The following TNS1 variants were observed in gnomAD, a reference collection of about 807,000 sequenced individuals.
The protein encoded by TNS1 is tensin-1.
TNS1 carries 62 observed loss-of-function variants against 168.6 expected under a neutral mutation model. The observed-to-expected ratio is 0.37, with a 90% confidence interval of 0.30 to 0.45. The LOEUF (loss-of-function observed/expected upper bound fraction) is 0.45, where lower values mean the gene tolerates loss of function less well. Ranked by LOEUF, TNS1 falls within the 20% of genes least tolerant of loss-of-function variation. The pLI is 1.00. For missense variants in TNS1, 2,240 were observed against 2,339.4 expected (o/e 0.96, Z 0.88); for synonymous variants, 934 against 933.2 (o/e 1.00, Z -0.02).
chr2:217,926,791 C>T (rs1575097184), intron 3 of TNS1, among the ~76,000 whole-genome samples: 1 of 152,248 alleles, frequency 6.6e-6, no homozygotes, highest in East Asian at 1.9e-4. Flanking sequence ...GGGTCTCAGG[C>T]AGTCCTCTCA....
chr2:217,847,910 G>A lies in TNS1; in HGVS notation c.2607C>T (p.Leu869=). The change falls in exon 19 of 33, where the codon CTC becomes CTT. Residue 869 remains leucine (L), a synonymous_variant. Transcript: ENST00000682258. The part of the protein sequence containing the change: ...VPGAWPGASP[L]SSQPLSGSSR... ...AGGATCCAGAGAGGGGCTGGGAGGA[G>A]AGTGGAGAAGCCCCTGGCCAGGCCC... The A allele has an allele frequency of 1.3e-6, 2 of 1,534,184 alleles. No individual in the cohort carries two copies. Among genetic ancestry groups the A allele is most frequent in the South Asian group, 1.3e-5 (1 of 78,134 alleles).
chr2:217,880,811 C>T lies in TNS1; in HGVS notation c.1429+87G>A. Reference sequence around the variant, plus strand: ...TCTGCCTCCTCTCGAACCCAGATCTCTTGAAAGCAGGCCAAGAGAAGCAAG... The same window carrying T: ...TCTGCCTCCTCTCGAACCCAGATCTTTTGAAAGCAGGCCAAGAGAAGCAAG... On this transcript the variant is annotated intron_variant, in intron 18 of 32. Transcript: ENST00000682258. The surrounding 1 kb of genome is among the most constrained non-coding windows in gnomAD (Gnocchi z 4.2). The T allele has an allele frequency of 1.9e-6, 2 of 1,054,702 alleles. No homozygotes were observed. Among genetic ancestry groups the T allele is most frequent in the Non-Finnish European group, 2.9e-6 (2 of 684,872 alleles). 65.3% of individuals were successfully genotyped at this position (1,054,702 alleles called of 1,614,324 possible).
intron 3 of TNS1, among the ~76,000 whole-genome samples, chr2:217,946,567 C>G (rs910167414): frequency 1.3e-5 from 2 of 152,142 alleles, no homozygotes; most frequent in African/African-American, 4.8e-5. Flanking sequence ...ATTTTTGAAG[C>G]TATATAATCG....
intron 3 of TNS1, among the ~76,000 whole-genome samples, chr2:217,966,281 G>T: frequency 7.0e-6 from 1 of 142,028 alleles, no homozygotes; most frequent in Admixed American, 6.8e-5. Flanking sequence ...GTGTGTGTGT[G>T]TGTGTGTGTG....
At chr2:217,935,952 G>C (rs1956583680) in intron 3 of TNS1, among the ~76,000 whole-genome samples, 1 of 152,164 alleles carries the variant, frequency 6.6e-6, no homozygotes, top group Non-Finnish European at 1.5e-5. Flanking sequence ...ACATCACACT[G>C]CCTCATGAGA....
intron 18 of TNS1, among the ~76,000 whole-genome samples, chr2:217,876,961 T>C (rs1950255499): frequency 6.6e-6 from 1 of 152,144 alleles, no homozygotes. Flanking sequence ...AGCAGATTAA[T>C]AATACTTCAG....
chr2:217,961,340 C>A (rs572706326), intron 3 of TNS1, among the ~76,000 whole-genome samples: 1 of 151,184 alleles, frequency 6.6e-6, no homozygotes, highest in Non-Finnish European at 1.5e-5. Flanking sequence ...TGTCTGTTAC[C>A]CTCTTCCAAA....
chr2:218,014,940 G>A (rs1160599772), upstream of TNS1, among the ~76,000 whole-genome samples: 1 of 151,992 alleles, frequency 6.6e-6, no homozygotes, highest in East Asian at 1.9e-4. Flanking sequence ...AGGCAGGCAG[G>A]CAGGCAGGCA....
intron 3 of TNS1, among the ~76,000 whole-genome samples, chr2:217,942,411 C>G (rs921824319): frequency 4.6e-5 from 7 of 152,202 alleles, no homozygotes. Flanking sequence ...TCTCTCCCCC[C>G]AACCTCTCCA....
Position 217,963,463 on chromosome 2 carries a change from C to A in TNS1, c.186+15302G>T, listed in dbSNP as rs1034391318. On this transcript the variant is annotated intron_variant, in intron 3 of 32. Coordinates refer to ENST00000682258, the MANE Select transcript of TNS1 (RefSeq NM_001387777.1). ...TCATCTAATCCTCACCACAAGACTG[C>A]AGGCAGGACTCATGACCCCAGCTTA... Among the ~76,000 whole-genome samples, 13 of 152,142 alleles carry A rather than the reference C, an allele frequency of 8.5e-5. 1 individual carries two copies. Among genetic ancestry groups the A allele is most frequent in the Admixed American group, 6.5e-4 (10 of 15,290 alleles).
At chr2:217,934,648 A>G (rs1956506884) in intron 3 of TNS1, among the ~76,000 whole-genome samples, 1 of 152,184 alleles carries the variant, frequency 6.6e-6, no homozygotes, top group African/African-American at 2.4e-5. Context: ...TGGGACAGAG[A>G]CGGGAGATTC....
At chr2:218,014,918 A>T (rs559949882), upstream of TNS1, among the ~76,000 whole-genome samples, 1 of 78,200 alleles carries the variant, frequency 1.3e-5, no homozygotes, top group South Asian at 3.0e-4. Flanking sequence ...GAAGGAAGGA[A>T]GGAAGGCAGG....
At chr2:217,958,618 C>G (rs1957422505) in intron 3 of TNS1, among the ~76,000 whole-genome samples, 2 of 152,332 alleles carry the variant, frequency 1.3e-5, no homozygotes, top group Admixed American at 1.3e-4. Context: ...ATCTTACAGA[C>G]AGGTAAAGTG....
intron 1 of TNS1, among the ~76,000 whole-genome samples, chr2:218,024,440 G>A (rs1046930131): frequency 2.0e-5 from 3 of 152,094 alleles, no homozygotes; most frequent in Non-Finnish European, 4.4e-5. Flanking sequence ...AGGCTGTCTG[G>A]GTGCCTCACA....
At chr2:217,807,764 G>A (rs1939452731) in intron 32 of TNS1, among the ~76,000 whole-genome samples, 1 of 152,226 alleles carries the variant, frequency 6.6e-6, no homozygotes, top group Non-Finnish European at 1.5e-5. Flanking sequence ...GATCATGTAA[G>A]CAATCTCTGA....
intron 6 of TNS1, chr2:217,905,401 C>T (rs760953476): frequency 2.5e-5 from 11 of 448,860 alleles, no homozygotes; most frequent in Non-Finnish European, 4.0e-5. Flanking sequence ...GCTGGACATG[C>T]AGGGCTGCCC....
Position 217,836,688 on chromosome 2 carries a change from C to T in TNS1, c.3008-477G>A, listed in dbSNP as rs74941825. Among the ~76,000 whole-genome samples, 859 of 152,302 alleles carry T rather than the reference C, an allele frequency of 5.6e-3. 5 individuals are homozygous for T. Among genetic ancestry groups the T allele is most frequent in the African/African-American group, 0.019 (808 of 41,558 alleles). On this transcript the variant is annotated intron_variant, in intron 19 of 32. Coordinates refer to ENST00000682258, the MANE Select transcript of TNS1 (RefSeq NM_001387777.1). ...TGGTGCTCCCAAGGAGAAACAAAGACATGACTAAGCCTTGTTACGAAGTCC... is the reference window on the plus strand; with the variant it reads ...TGGTGCTCCCAAGGAGAAACAAAGATATGACTAAGCCTTGTTACGAAGTCC...
intron 3 of TNS1, among the ~76,000 whole-genome samples, chr2:217,963,351 T>A (rs1205889201): frequency 6.6e-6 from 1 of 151,972 alleles, no homozygotes; most frequent in African/African-American, 2.4e-5. Context: ...CTAATGACAA[T>A]AACCATGCCA....
At chr2:217,906,265 T>TCC in intron 6 of TNS1, 70 bp downstream of exon 6, 3 of 596,250 alleles carry the variant, frequency 5.0e-6, no homozygotes, top group Non-Finnish European at 6.3e-6. Context: ...ATTATCCACC[T>TCC]CCCACCCCAC....
Sources: gnomAD v4.1 joint callset for allele counts (sites outside exome capture counted in the v4.1 genomes callset) on GRCh38, gnomAD v4.1.1 for gene constraint, Gnocchi (gnomAD v3.1) non-coding constraint, MANE v1.5 for transcripts, NCBI Gene and HGNC (gene_info 2026-07-23, HGNC 2026-07-21) for gene names.